Variants in RNF123 observed in about 807,000 individuals in gnomAD.
RNF123 encodes the protein ring finger protein 123, also known as E3 ubiquitin-protein ligase RNF123.
In RNF123, 86 loss-of-function variants were observed where a neutral mutation model predicts 168.5. The observed-to-expected ratio is 0.51, with a 90% CI of 0.43 to 0.61. The LOEUF (loss-of-function observed/expected upper bound fraction) is 0.61. RNF123 is among the 20% of genes least tolerant of loss of function. RNF123 has a pLI of 0.00. For missense variants in RNF123, 1,419 were observed against 1,729.7 expected (o/e 0.82, Z 3.19); for synonymous variants, 666 against 689.1 (o/e 0.97, Z 0.52).
At chr3:49,698,893 C>T in intron 9 of RNF123, 71 bp downstream of exon 9, 1 of 1,605,890 alleles carries the variant, frequency 6.2e-7, no homozygotes, top group East Asian at 2.2e-5. Flanking sequence ...TTTCCTGGGC[C>T]CTGTAAGGGG....
chr3:49,720,213 G>A (rs564154123), intron 35 of RNF123: 25 of 217,964 alleles, frequency 1.1e-4, no homozygotes, highest in Non-Finnish European at 2.2e-4. Flanking sequence ...CTACTCGGGA[G>A]GCTAAAGCAG....
intron 35 of RNF123, chr3:49,718,184 C>G (rs771718787): frequency 1.9e-6 from 3 of 1,613,064 alleles, no homozygotes; most frequent in Non-Finnish European, 2.5e-6. Flanking sequence ...GCGCTCAGCT[C>G]TTGGAGCGGG....
rs1170698272 is a variant in RNF123 at position 49,720,616 on chromosome 3, G to A, written c.3606G>A (p.Leu1202=). 14 of 1,605,886 alleles carry A rather than the reference G, an allele frequency of 8.7e-6. No homozygotes were observed. Among genetic ancestry groups the A allele is most frequent in the Non-Finnish European group, 1.1e-5 (13 of 1,174,400 alleles). Residue 1202 remains leucine (L), a synonymous_variant, in exon 36 of 39, where the codon CTG becomes CTA. Transcript: ENST00000327697. ...QPEPPAPGTA[L]PAPDRKRFSL... is the part of the protein sequence containing the mutation. Reference sequence around the variant, plus strand: ...AGCCCCCAGCACCTGGCACTGCTCTGCCAGCCCCTGACCGGAAGCGCTTCT... The same window carrying A: ...AGCCCCCAGCACCTGGCACTGCTCTACCAGCCCCTGACCGGAAGCGCTTCT...
In RNF123 at chr3:49,721,453, C is replaced by T; in HGVS notation, c.*148C>T. The T allele has an allele frequency of 9.2e-7, 1 of 1,083,924 alleles. No individual in the cohort carries two copies. Among genetic ancestry groups the T allele is most frequent in the Non-Finnish European group, 1.4e-6 (1 of 701,982 alleles). 67.1% of individuals were successfully genotyped at this position (1,083,924 alleles called of 1,614,324 possible). A position where few individuals can be genotyped will look rare whatever the true frequency, so the allele number is the denominator to read the frequency against. ...TGCCTGTATCCTCATTGGTGGGAGC[C>T]CAGCCATGGCCCTAATTGTGCCTGA... is the stretch of plus-strand genomic sequence containing the variant. On this transcript the variant is annotated 3_prime_UTR_variant, in exon 39 of 39. Transcript: ENST00000327697.
At position 49,718,940 on chromosome 3, in the gene RNF123, G is replaced by T. The variant is rs138335505; in HGVS notation, c.3501-1571G>T. 30 of 1,613,764 alleles carry T rather than the reference G, an allele frequency of 1.9e-5. No individual in the cohort carries two copies. The African/African-American group carries it at 3.5e-4, about 19-fold the overall frequency. On this transcript the variant is annotated intron_variant, in intron 35 of 38. Transcript: ENST00000327697. ...TGGGTGGCGCTCAGACCGTGCAGGT[G>T]GTCGAAGGAGAACGAGGCGAGTTCG...
intron 34 of RNF123, 26 bp from the exon 35 acceptor site, chr3:49,716,367 C>G (rs550098133): frequency 1.3e-5 from 21 of 1,608,296 alleles, no homozygotes; most frequent in Admixed American, 3.3e-5. Flanking sequence ...GTGGGTGGCT[C>G]ATCTCTTTCC....
At chr3:49,694,040 C>T (rs947068012) in intron 3 of RNF123, among the ~76,000 whole-genome samples, 27 of 152,178 alleles carry the variant, frequency 1.8e-4, no homozygotes, top group Admixed American at 1.6e-3. Context: ...ATATTTTCTC[C>T]CATTTGTGGG....
In RNF123 at chr3:49,721,271, G is replaced by A. The variant is rs372013548; in HGVS notation, c.3911G>A (p.Gly1304Glu). 1.9e-6 allele frequency: 3 copies of A among 1,614,088 alleles called. No homozygotes were observed. The highest frequency in any genetic ancestry group is 1.7e-5 in the Admixed American group (1 of 60,010). The part of the protein sequence containing the change: ...TIVSVEDWEK[G>E]ANTSTTSSAA Reference sequence around the variant, plus strand: ...GTGTCTGTAGAGGACTGGGAGAAGGGAGCCAATACGAGTACTACCTCCTCA... The same window carrying A: ...GTGTCTGTAGAGGACTGGGAGAAGGAAGCCAATACGAGTACTACCTCCTCA... The change falls in exon 39 of 39, where the codon GGA becomes GAA. Residue 1304 changes from glycine (G) to glutamate (E), a missense_variant. Transcript: ENST00000327697.
In RNF123 at chr3:49,700,502, TTGA is replaced by T. The variant is rs753104844; in HGVS notation, c.1147_1149del (p.Met383del). The T allele has an allele frequency of 3.1e-6, 5 of 1,614,134 alleles. No homozygotes were observed. Among genetic ancestry groups the T allele is most frequent in the South Asian group, 1.1e-5 (1 of 91,078 alleles). On this transcript the variant is annotated inframe_deletion, in exon 14 of 39. Coordinates refer to ENST00000327697, the MANE Select transcript of RNF123 (RefSeq NM_022064.5). ...CGAGGTACAAGATTGCCTCAAGCAG[TTGA>T]TGATGTCTCTGCTTCGGCTGTACCG...
intron 35 of RNF123, chr3:49,718,779 G>T (rs35201844): frequency 1.2e-6 from 2 of 1,613,312 alleles, no homozygotes; most frequent in Non-Finnish European, 1.7e-6. Context: ...GCTGTAGCAG[G>T]TGGTAGAGGC....
intron 27 of RNF123, 66 bp from the exon 28 acceptor site, chr3:49,713,447 C>CG (rs2080180497): frequency 1.3e-6 from 2 of 1,491,554 alleles, no homozygotes; most frequent in Non-Finnish European, 1.8e-6. Flanking sequence ...TCCACCCACC[C>CG]TGCTGACATG....
At chr3:49,708,162 C>T (rs550394803) in intron 26 of RNF123, among the ~76,000 whole-genome samples, 10 of 152,168 alleles carry the variant, frequency 6.6e-5, no homozygotes, top group African/African-American at 2.4e-4. Context: ...CAGGGTTTCA[C>T]TTTGTTGGCG....
chr3:49,716,180 G>A lies in RNF123; in HGVS notation c.3415+3G>A, dbSNP rs1032760694. On this transcript the variant is annotated splice_donor_region_variant and intron_variant, in intron 34 of 38. Transcript: ENST00000327697. ...TGTGGTCACCCTACGGCTGCCTGGT[G>A]AGGACCTAGATGCCCTGCACCCCAA... is the stretch of plus-strand genomic sequence containing the variant. 8.1e-6 allele frequency: 13 copies of A among 1,613,402 alleles called. No individual in the cohort carries two copies. Among genetic ancestry groups the A allele is most frequent in the Non-Finnish European group, 1.1e-5 (13 of 1,179,752 alleles).
At chr3:49,719,300 G>A (rs747168269) in intron 35 of RNF123, 1 of 1,613,154 alleles carries the variant, frequency 6.2e-7, no homozygotes, top group Non-Finnish European at 8.5e-7. Context: ...AACTCGGCTG[G>A]CACGTCCTGC....
intron 27 of RNF123, 107 bp downstream of exon 27, chr3:49,712,763 G>C (rs993924788): frequency 7.9e-7 from 1 of 1,266,240 alleles, no homozygotes; most frequent in African/African-American, 1.5e-5. Flanking sequence ...ACTTCTGTGG[G>C]GGGCGGGGAG....
At chr3:49,712,854 C>T in intron 27 of RNF123, 198 bp downstream of exon 27, 1 of 716,284 alleles carries the variant, frequency 1.4e-6, no homozygotes, top group East Asian at 2.7e-5. Context: ...ACAGAGCCAA[C>T]AGCTCCCTAG....
chr3:49,713,959 T>G lies in RNF123; in HGVS notation c.2887T>G (p.Trp963Gly). Residue 963 changes from tryptophan to glycine, a missense_variant, in exon 30 of 39, where the codon TGG (tryptophan) becomes GGG (glycine). Trp to Gly is a radical substitution (Grantham distance 184). Transcript: ENST00000327697. ...CCTGGCGCCCTATGAGCAGCGGCCCTGGGCCCAGACCAACTGGATCCTGGT... is the reference window on the plus strand; with the variant it reads ...CCTGGCGCCCTATGAGCAGCGGCCCGGGGCCCAGACCAACTGGATCCTGGT... Reference protein sequence around the residue: ...NLLAPYEQRPWAQTNWILVRL... With the variant: ...NLLAPYEQRPGAQTNWILVRL... 6.2e-7 allele frequency: 1 copy of G among 1,614,062 alleles called. No individual in the cohort carries two copies. Among genetic ancestry groups the G allele is most frequent in the Non-Finnish European group, 8.5e-7 (1 of 1,179,992 alleles).
chr3:49,718,106 C>T (rs751879667), intron 35 of RNF123: 3 of 1,613,600 alleles, frequency 1.9e-6, no homozygotes, highest in Non-Finnish European at 1.7e-6. Context: ...AGAAAGACTA[C>T]GTGCTTGTGG....
chr3:49,696,441 C>G (rs1376482707), intron 3 of RNF123, among the ~76,000 whole-genome samples: 1 of 151,720 alleles, frequency 6.6e-6, no homozygotes, highest in South Asian at 2.1e-4. Flanking sequence ...CTCCGCCTCC[C>G]AGGTTCAAGC....
Sources: gnomAD v4.1 joint callset for allele counts (sites outside exome capture counted in the v4.1 genomes callset) on GRCh38, gnomAD v4.1.1 for gene constraint, MANE v1.5 for transcripts, NCBI Gene and HGNC (gene_info 2026-07-23, HGNC 2026-07-21) for gene names.